Variants in ZNF654 observed in about 807,000 individuals in gnomAD.
The protein encoded by ZNF654 is melanoma-associated antigen.
ZNF654 carries 19 observed loss-of-function variants against 95.3 expected under a neutral mutation model. That is an observed-to-expected ratio of 0.20 (90% CI 0.14 to 0.29). The LOEUF is 0.29. ZNF654 is among the 10% of genes least tolerant of loss of function. The pLI, the probability that ZNF654 is intolerant of heterozygous loss-of-function variation, is 1.00. For synonymous variants in ZNF654, 413 were observed against 457.9 expected (o/e 0.90, Z 1.25); for missense variants, 1,046 against 1,341.0 (o/e 0.78, Z 3.44).
chr3:88,101,206 G>C (rs1285251600), intron 2 of ZNF654, among the ~76,000 whole-genome samples: 1 of 152,016 alleles, frequency 6.6e-6, no homozygotes, highest in Non-Finnish European at 1.5e-5. Context: ...ATAGAGTTGT[G>C]CAACCATTAC....
At chr3:88,133,919 G>A (rs528985752) in intron 6 of ZNF654, among the ~76,000 whole-genome samples, 13 of 152,194 alleles carry the variant, frequency 8.5e-5, no homozygotes, top group African/African-American at 2.9e-4. Flanking sequence ...GGAATGTTTA[G>A]TGTCACTGCC....
chr3:88,082,201 A>T (rs1055839970), intron 1 of ZNF654, among the ~76,000 whole-genome samples: 1 of 150,614 alleles, frequency 6.6e-6, no homozygotes, highest in South Asian at 2.1e-4. Context: ...ATCTTGGCTC[A>T]CTGCAACCTC....
intron 4 of ZNF654, 68 bp downstream of exon 4, chr3:88,126,337 G>A (rs1446239108): frequency 1.8e-5 from 24 of 1,305,338 alleles, no homozygotes; most frequent in Middle Eastern, 2.8e-4. Context: ...TTACTAACTA[G>A]AGCAGTAATA....
chr3:88,110,876 G>A (rs1215764093), intron 2 of ZNF654, among the ~76,000 whole-genome samples: 2 of 152,064 alleles, frequency 1.3e-5, no homozygotes, highest in African/African-American at 2.4e-5. Flanking sequence ...AAGGTTTGAT[G>A]TGTTTTGCCT....
At chr3:88,075,829 C>T (rs1707771284) in intron 1 of ZNF654, among the ~76,000 whole-genome samples, 1 of 151,958 alleles carries the variant, frequency 6.6e-6, no homozygotes, top group Non-Finnish European at 1.5e-5. Flanking sequence ...GAAGGAAAGT[C>T]AAGGAGTTCC....
At chr3:88,126,340 C>T (rs1706095416) in intron 4 of ZNF654, 71 bp downstream of exon 4, 2 of 1,288,356 alleles carry the variant, frequency 1.6e-6, no homozygotes, top group African/African-American at 1.5e-5. Flanking sequence ...CTAACTAGAG[C>T]AGTAATAGTA....
intron 6 of ZNF654, among the ~76,000 whole-genome samples, chr3:88,130,795 AG>A (rs1219617827): frequency 6.6e-6 from 1 of 151,960 alleles, no homozygotes; most frequent in Non-Finnish European, 1.5e-5. Flanking sequence ...TCAAACTCAG[AG>A]ATAAGAGTCA....
chr3:88,068,125 T>G (rs1278086466), intron 1 of ZNF654, among the ~76,000 whole-genome samples: 1 of 151,938 alleles, frequency 6.6e-6, no homozygotes, highest in Non-Finnish European at 1.5e-5. Flanking sequence ...GGTAGCTGAT[T>G]AGAGAGGTAT....
At chr3:88,112,262 ATTTGT>A (rs1208230429) in intron 2 of ZNF654, among the ~76,000 whole-genome samples, 11 of 136,242 alleles carry the variant, frequency 8.1e-5, no homozygotes, top group Admixed American at 6.5e-4. Context: ...TCTATTAGTG[ATTTGT>A]TTTGATTAAA....
chr3:88,121,238 CTA>C (rs763092645), intron 3 of ZNF654, among the ~76,000 whole-genome samples: 3 of 152,074 alleles, frequency 2.0e-5, no homozygotes, highest in Non-Finnish European at 4.4e-5. Flanking sequence ...TAAAGTCAAT[CTA>C]TGTTTTCTTT....
chr3:88,110,878 G>GT (rs1333543139), intron 2 of ZNF654, among the ~76,000 whole-genome samples: 2 of 152,024 alleles, frequency 1.3e-5, no homozygotes, highest in African/African-American at 4.8e-5. Context: ...GGTTTGATGT[G>GT]TTTTGCCTTT....
chr3:88,117,896 T>A (rs748376413), intron 3 of ZNF654, among the ~76,000 whole-genome samples: 4 of 151,834 alleles, frequency 2.6e-5, no homozygotes, highest in Non-Finnish European at 5.9e-5. Flanking sequence ...CTAGACACAC[T>A]GAGTTTTAAA....
chr3:88,102,638 T>G (rs1454511898), intron 2 of ZNF654, among the ~76,000 whole-genome samples: 3 of 152,120 alleles, frequency 2.0e-5, no homozygotes, highest in Non-Finnish European at 4.4e-5. Flanking sequence ...GTAAATCCAA[T>G]AGAATAGTGC....
At position 88,128,842 on chromosome 3, in the gene ZNF654, T is replaced by C; in HGVS notation, c.584T>C (p.Phe195Ser). The C allele has an allele frequency of 6.5e-7, 1 of 1,535,506 alleles. No homozygotes were observed. The highest frequency in any genetic ancestry group is 8.7e-7 in the Non-Finnish European group (1 of 1,146,514). The change falls in exon 5 of 9, where the codon TTC (phenylalanine) becomes TCC (serine). Residue 195 changes from phenylalanine to serine, a missense_variant. Phe to Ser is a radical substitution (Grantham distance 155). Coordinates refer to ENST00000636215, the MANE Select transcript of ZNF654 (RefSeq NM_001350134.2). The stretch of plus-strand genomic sequence containing the variant: ...TATTTAAGTTCTGAAAATCCACTGT[T>C]CTTTGAACTACGTGCCAGATACCTA... The part of the protein sequence containing the change: ...NKYLSSENPL[F>S]FELRARYLIA...
At chr3:88,118,753 A>C (rs537545991) in intron 3 of ZNF654, among the ~76,000 whole-genome samples, 2 of 152,316 alleles carry the variant, frequency 1.3e-5, no homozygotes, top group Non-Finnish European at 2.9e-5. Flanking sequence ...AAACTGTGCT[A>C]CCATATTTTC....
intron 2 of ZNF654, among the ~76,000 whole-genome samples, chr3:88,111,215 G>A (rs913494898): frequency 6.6e-6 from 1 of 151,872 alleles, no homozygotes; most frequent in African/African-American, 2.4e-5. Flanking sequence ...TTTTTGTTGG[G>A]CTTGTTTTAT....
intron 3 of ZNF654, among the ~76,000 whole-genome samples, chr3:88,116,159 A>C (rs188904916): frequency 2.0e-4 from 30 of 152,218 alleles, no homozygotes; most frequent in African/African-American, 6.7e-4. Flanking sequence ...GCTTCTCAGA[A>C]GTGCATCAGG....
intron 2 of ZNF654, among the ~76,000 whole-genome samples, chr3:88,112,639 A>T (rs2107765067): frequency 6.6e-6 from 1 of 152,114 alleles, no homozygotes; most frequent in East Asian, 1.9e-4. Context: ...TATAATATAA[A>T]TGTTGGCCGA....
intron 4 of ZNF654, 114 bp from the exon 5 acceptor site, chr3:88,128,695 A>G: frequency 1.4e-6 from 1 of 690,642 alleles, no homozygotes; most frequent in Non-Finnish European, 2.3e-6. Context: ...GGAAAATGCT[A>G]TTTAAGTAGT....
Sources: allele counts gnomAD v4.1 joint callset (sites outside exome capture counted in the v4.1 genomes callset), GRCh38; gene constraint gnomAD v4.1.1; transcripts MANE v1.5; gene names NCBI Gene and HGNC (gene_info 2026-07-23, HGNC 2026-07-21).